The following VRK3 variants were observed in gnomAD, a reference collection of about 807,000 sequenced individuals.
VRK3 encodes VRK serine/threonine kinase 3.
Under a neutral mutation model 60.4 loss-of-function variants are expected in VRK3, and 50 were observed. The ratio of observed to expected loss-of-function variants is 0.83; its 90% CI spans 0.66 to 1.05. VRK3 has a LOEUF of 1.05. Among genes scored for constraint, VRK3 ranks in the 50% least tolerant of loss-of-function variants. The pLI, the probability that VRK3 is intolerant of heterozygous loss-of-function variation, is 0.00. For missense variants in VRK3, 549 were observed against 585.3 expected (o/e 0.94, Z 0.64); for synonymous variants, 246 against 227.8 (o/e 1.08, Z -0.72).
At chr19:50,015,915 G>A (rs1178341986) in intron 3 of VRK3, 109 bp downstream of exon 3, 1 of 1,479,476 alleles carries the variant, frequency 6.8e-7, no homozygotes, top group Non-Finnish European at 9.3e-7. Context: ...GGCTTCTCCA[G>A]TGTCAGGACA....
intron 7 of VRK3, among the ~76,000 whole-genome samples, chr19:49,996,198 G>C (rs952491010): frequency 8.6e-5 from 13 of 151,422 alleles, no homozygotes; most frequent in African/African-American, 2.9e-4. Context: ...GAGATTACAG[G>C]CATCAGCCAC....
chr19:49,996,288 C>T (rs899718836), intron 7 of VRK3, among the ~76,000 whole-genome samples: 17 of 152,056 alleles, frequency 1.1e-4, no homozygotes, highest in African/African-American at 4.1e-4. Flanking sequence ...AACTCCTGAC[C>T]TCAGGTGATC....
intron 12 of VRK3, among the ~76,000 whole-genome samples, chr19:49,981,498 T>C (rs2076421211): frequency 1.3e-5 from 2 of 152,128 alleles, no homozygotes; most frequent in African/African-American, 2.4e-5. Context: ...TGAGCCTAGA[T>C]TGAGCCACTG....
chr19:49,996,137 G>T (rs551530828), intron 7 of VRK3, among the ~76,000 whole-genome samples: 1 of 151,950 alleles, frequency 6.6e-6, no homozygotes, highest in South Asian at 2.1e-4. Context: ...GGCCAGGATG[G>T]TCTCAATCTC....
At chr19:50,025,216 T>G (rs1377296917) in intron 1 of VRK3, 51 bp downstream of exon 1, 1 of 152,302 alleles carries the variant, frequency 6.6e-6, no homozygotes, top group Non-Finnish European at 1.5e-5. Context: ...CCGGCCGAGC[T>G]GCGGCTAGGG....
At chr19:50,022,317 G>A (rs938791121) in intron 1 of VRK3, among the ~76,000 whole-genome samples, 6 of 152,164 alleles carry the variant, frequency 3.9e-5, no homozygotes, top group African/African-American at 1.4e-4. Flanking sequence ...TGCCACCCCC[G>A]GTTCTGACAC....
At chr19:49,991,734 G>A (rs1191732347) in intron 10 of VRK3, among the ~76,000 whole-genome samples, 1 of 152,176 alleles carries the variant, frequency 6.6e-6, no homozygotes, top group African/African-American at 2.4e-5. Flanking sequence ...AAGTCTGCCT[G>A]ACAACGAGCA....
chr19:50,009,616 C>G (rs1379395642), intron 3 of VRK3, among the ~76,000 whole-genome samples: 2 of 152,112 alleles, frequency 1.3e-5, no homozygotes, highest in Non-Finnish European at 2.9e-5. Context: ...CACTCTGTGT[C>G]CTTTCCACAT....
chr19:49,993,504 TC>T, intron 9 of VRK3, among the ~76,000 whole-genome samples: 1 of 152,174 alleles, frequency 6.6e-6, no homozygotes, highest in Non-Finnish European at 1.5e-5. Flanking sequence ...GCTCAGGTGA[TC>T]CTCCCACCTC....
intron 9 of VRK3, 95 bp downstream of exon 9, chr19:49,994,718 GT>G (rs2076670754): frequency 9.2e-7 from 1 of 1,082,186 alleles, no homozygotes. Context: ...GCGGAGGGGG[GT>G]GGGGGCCGGA....
intron 12 of VRK3, among the ~76,000 whole-genome samples, chr19:49,984,465 C>T (rs757352408): frequency 3.9e-5 from 6 of 152,132 alleles, no homozygotes; most frequent in Non-Finnish European, 5.9e-5. Context: ...CCCACAGTGC[C>T]GGGCTACCTC....
chr19:49,980,827 C>T (rs941459944), intron 13 of VRK3, 128 bp downstream of exon 13: 20 of 737,284 alleles, frequency 2.7e-5, no homozygotes, highest in Non-Finnish European at 4.0e-5. Context: ...ACAATGGGTA[C>T]GTATTACAAA....
chr19:50,009,322 G>A lies in VRK3; in HGVS notation c.203C>T (p.Thr68Ile). Residue 68 changes from threonine (T) to isoleucine (I), a missense_variant, in exon 4 of 15, where the codon ACC becomes ATC. Coordinates refer to ENST00000316763, the MANE Select transcript of VRK3 (RefSeq NM_016440.4). ...GAGGGATAATCGGGGAGAGGTGACG[G>A]TGCTGGACCATTTCACTTTCTTAGG... Reference protein sequence around the residue: ...TSPKKVKWSSTVTSPRLSLFS... With the variant: ...TSPKKVKWSSIVTSPRLSLFS... The A allele has an allele frequency of 1.2e-6, 2 of 1,614,100 alleles. No homozygotes were observed. Among genetic ancestry groups the A allele is most frequent in the Non-Finnish European group, 1.7e-6 (2 of 1,180,016 alleles).
Position 49,995,202 on chromosome 19 carries a change from C to T in VRK3, c.753G>A (p.Gln251=). 1.2e-6 allele frequency: 2 copies of T among 1,614,196 alleles called. No homozygotes were observed. Among genetic ancestry groups the T allele is most frequent in the Non-Finnish European group, 1.7e-6 (2 of 1,180,032 alleles). Reference sequence around the variant, plus strand: ...GCAGAGCAGCTCACCTGTATTTGTCCTGGTGAACACCGAAACCCATGCAGG... The same window carrying T: ...GCAGAGCAGCTCACCTGTATTTGTCTTGGTGAACACCGAAACCCATGCAGG... The part of the protein sequence containing the change: ...IPTCMGFGVH[Q]DKYRFLVLPS... Residue 251 remains glutamine, a synonymous_variant, in exon 8 of 15, where the codon CAG becomes CAA. Coordinates refer to ENST00000316763, the MANE Select transcript of VRK3 (RefSeq NM_016440.4).
chr19:50,015,818 T>C, intron 3 of VRK3: 1 of 636,990 alleles, frequency 1.6e-6, no homozygotes, highest in Non-Finnish European at 2.7e-6. Context: ...GAAGGAGATG[T>C]TAACATGGAG....
In VRK3 at chr19:50,016,025, T is replaced by A; in HGVS notation, c.138A>T (p.Gln46His). Residue 46 changes from glutamine (Q) to histidine (H), a missense_variant and splice_region_variant, in exon 3 of 15, where the codon CAA becomes CAT. Gln to His is a conservative substitution (Grantham distance 24, BLOSUM62 0). Coordinates refer to ENST00000316763, the MANE Select transcript of VRK3 (RefSeq NM_016440.4). ...TFVNPHVSSF[Q>H]GSKRGLNSSF... ...CAGGCTCAATGCTCTGGTTCTTACC[T>A]TGGAAGGATGACACATGTGGATTGA... 6.2e-7 allele frequency: 1 copy of A among 1,614,126 alleles called. No homozygotes were observed. The highest frequency in any genetic ancestry group is 8.5e-7 in the Non-Finnish European group (1 of 1,180,006).
At chr19:49,996,774 G>A (rs908546429) in intron 7 of VRK3, among the ~76,000 whole-genome samples, 4 of 151,506 alleles carry the variant, frequency 2.6e-5, no homozygotes, top group East Asian at 2.0e-4. Context: ...ACGCCACCAC[G>A]CCTGGCTAAT....
intron 14 of VRK3, among the ~76,000 whole-genome samples, chr19:49,978,000 A>T (rs1165654100): frequency 6.6e-6 from 1 of 152,182 alleles, no homozygotes; most frequent in Non-Finnish European, 1.5e-5. Flanking sequence ...CTTGTAATCC[A>T]AGCGCCAAGA....
intron 6 of VRK3, chr19:49,997,886 A>G: frequency 4.4e-6 from 1 of 225,688 alleles, no homozygotes; most frequent in Non-Finnish European, 8.8e-6. Flanking sequence ...CTGGCCAATG[A>G]GGATGTGAGC....
Sources: gnomAD v4.1 joint callset for allele counts (sites outside exome capture counted in the v4.1 genomes callset) on GRCh38, gnomAD v4.1.1 for gene constraint, MANE v1.5 for transcripts, NCBI Gene and HGNC (gene_info 2026-07-23, HGNC 2026-07-21) for gene names.